Variants in ALOXE3 observed in about 807,000 individuals in gnomAD.
ALOXE3 encodes arachidonate epidermal lipoxygenase 3, also known as hydroperoxide isomerase ALOXE3.
In ALOXE3, 78 loss-of-function variants were observed where a neutral mutation model predicts 87.5. That is an observed-to-expected ratio of 0.89 (90% CI 0.74 to 1.08). The LOEUF is 1.08. Ranked by LOEUF, ALOXE3 falls within the 50% of genes least tolerant of loss-of-function variation. ALOXE3 has a pLI of 0.00. For missense variants in ALOXE3, 946 were observed against 912.4 expected, an observed-to-expected ratio of 1.04 and a Z score of -0.47; for synonymous variants, 363 against 370.8, an observed-to-expected ratio of 0.98 and a Z score of 0.24.
rs1978749917 is a variant in ALOXE3, at chr17:8,099,021, T to TC, written c.1957-2216dup. Among the ~76,000 whole-genome samples, 3 of 124,946 alleles carry TC rather than the reference T, an allele frequency of 2.4e-5. No individual in the cohort carries two copies. The South Asian group carries it at 7.5e-4, about 31-fold the overall frequency. The allele number at this position is 124,946 out of a possible 152,430, so 82.0% of individuals were successfully genotyped here. ...ATACGCCATCATGCCCGGCTAGTTT[T>TC]CTTTTTTTTTTTTTTTTTGGAGAGA... On this transcript the variant is annotated intron_variant, in intron 15 of 15. Coordinates refer to ENST00000448843, the MANE Select transcript of ALOXE3 (RefSeq NM_021628.3).
In ALOXE3 at chr17:8,110,304, G is replaced by T; in HGVS notation, c.1102-9C>A. Reference sequence around the variant, plus strand: ...CCGGGGGTCTGGCTGAGCTGCGTCCGAAAGGAACGAGGGATGATGGGGCTC... The same window carrying T: ...CCGGGGGTCTGGCTGAGCTGCGTCCTAAAGGAACGAGGGATGATGGGGCTC... On this transcript the variant is annotated splice_polypyrimidine_tract_variant and intron_variant, in intron 9 of 15. Transcript: ENST00000448843. The T allele has an allele frequency of 6.2e-7, 1 of 1,613,698 alleles. No individual in the cohort carries two copies. Among genetic ancestry groups the T allele is most frequent in the African/African-American group, 1.3e-5 (1 of 75,032 alleles).
chr17:8,099,074 G>T (rs1030671163), intron 15 of ALOXE3, among the ~76,000 whole-genome samples: 1 of 146,068 alleles, frequency 6.8e-6, no homozygotes, highest in Non-Finnish European at 1.5e-5. Flanking sequence ...ACTCAGGCTG[G>T]TCTTAAATCC....
At chr17:8,109,041 T>TCC in intron 12 of ALOXE3, 133 bp downstream of exon 12, 1 of 1,394,394 alleles carries the variant, frequency 7.2e-7, no homozygotes, top group South Asian at 1.2e-5. Context: ...CAAACTCAAT[T>TCC]CATACCCTCA....
At chr17:8,117,031 G>A (rs778522129) in intron 2 of ALOXE3, 51 bp from the exon 3 acceptor site, 3 of 1,556,588 alleles carry the variant, frequency 1.9e-6, no homozygotes, top group Non-Finnish European at 1.8e-6. Flanking sequence ...CTGCCAAGGC[G>A]GTCCTTGCGC....
chr17:8,110,582 C>G (rs1979990395), intron 8 of ALOXE3, 54 bp from the exon 9 acceptor site: 1 of 1,601,244 alleles, frequency 6.2e-7, no homozygotes. Context: ...CTCCACTTCC[C>G]TCCCATTTCC....
In ALOXE3 at chr17:8,115,017, C is replaced by G. The variant is rs145113596; in HGVS notation, c.475G>C (p.Val159Leu). 1.2e-6 allele frequency: 2 copies of G among 1,614,116 alleles called. No homozygotes were observed. The highest frequency in any genetic ancestry group is 2.2e-5 in the East Asian group (1 of 44,886). Reference protein sequence around the residue: ...YAPGFPCMVDVNSFQEMESDK... With the variant: ...YAPGFPCMVDLNSFQEMESDK... ...GACTCCATCTCCTGAAAGCTGTTGACGTCTACCATGCAGGGGAAGCCAGGG... is the reference window on the plus strand; with the variant it reads ...GACTCCATCTCCTGAAAGCTGTTGAGGTCTACCATGCAGGGGAAGCCAGGG... Residue 159 changes from valine (V) to leucine (L), a missense_variant, in exon 5 of 16, where the codon GTC (valine) becomes CTC (leucine). By Grantham distance (32) the Val-to-Leu change is conservative (BLOSUM62 1). Transcript: ENST00000448843.
In ALOXE3 at chr17:8,110,382, C is replaced by T; in HGVS notation, c.1101+3G>A. 1.2e-6 allele frequency: 2 copies of T among 1,606,488 alleles called. No homozygotes were observed. The highest frequency in any genetic ancestry group is 8.5e-7 in the Non-Finnish European group (1 of 1,175,474). ...CATCCCGGGGCGGCGGCGCCGGGCT[C>T]ACCTGGATGGCCAAGGGCACCAGCG... is the stretch of plus-strand genomic sequence containing the variant. On this transcript the variant is annotated splice_donor_region_variant and intron_variant, in intron 9 of 15. Transcript: ENST00000448843.
intron 13 of ALOXE3, among the ~76,000 whole-genome samples, chr17:8,105,203 G>A (rs556676249): frequency 2.1e-3 from 318 of 152,232 alleles, no homozygotes; most frequent in African/African-American, 7.4e-3. Flanking sequence ...TTCCTTCCTG[G>A]CTGTTCACTT....
In ALOXE3 at chr17:8,096,469, T is replaced by G. The variant is rs1378688889; in HGVS notation, c.*158A>C. The G allele has an allele frequency of 2.2e-5, 15 of 670,712 alleles. No homozygotes were observed. Among genetic ancestry groups the G allele is most frequent in the Non-Finnish European group, 3.8e-5 (14 of 367,640 alleles). 41.5% of individuals were successfully genotyped at this position (670,712 alleles called of 1,614,324 possible). A position where few individuals can be genotyped will look rare whatever the true frequency, so the allele number is the denominator to read the frequency against. ...CTCACAGCTCAGGGCCCAGTTTGTA[T>G]GATGTCAGAGCCATCTTGGCTGCAA... is the stretch of plus-strand genomic sequence containing the variant. On this transcript the variant is annotated 3_prime_UTR_variant, in exon 16 of 16. Coordinates refer to ENST00000448843, the MANE Select transcript of ALOXE3 (RefSeq NM_021628.3).
chr17:8,104,228 A>T lies in ALOXE3; in HGVS notation c.1685-13T>A. 1 of 1,606,086 alleles carries T rather than the reference A, an allele frequency of 6.2e-7. No individual in the cohort carries two copies. The highest frequency in any genetic ancestry group is 1.1e-5 in the South Asian group (1 of 90,870). Reference sequence around the variant, plus strand: ...CGGCTTGGGAAACCTGGGTGTGGGGAGGAAGGGTAGAGGGTGTGGATGGAA... The same window carrying T: ...CGGCTTGGGAAACCTGGGTGTGGGGTGGAAGGGTAGAGGGTGTGGATGGAA... On this transcript the variant is annotated splice_polypyrimidine_tract_variant and intron_variant, in intron 13 of 15. Transcript: ENST00000448843.
rs1305768992 is a variant in ALOXE3 at position 8,108,025 on chromosome 17, A to G, written c.1684+443T>C. ...AAAGAAAGAAAGAAAGAAAGAAAGA[A>G]AGAAAGAAAGAAAGAAAGAAAGAAA... is the stretch of plus-strand genomic sequence containing the variant. On this transcript the variant is annotated intron_variant, in intron 13 of 15. Coordinates refer to ENST00000448843, the MANE Select transcript of ALOXE3 (RefSeq NM_021628.3). Among the ~76,000 whole-genome samples the G allele has an allele frequency of 3.7e-5, 3 of 80,392 alleles. 1 individual carries two copies. Among genetic ancestry groups the G allele is most frequent in the African/African-American group, 1.2e-4 (3 of 25,008 alleles). The allele number at this position is 80,392 out of a possible 152,430, so 52.7% of individuals were successfully genotyped here.
intron 1 of ALOXE3, 88 bp downstream of exon 1, chr17:8,118,398 G>T: frequency 6.4e-7 from 1 of 1,551,204 alleles, no homozygotes; most frequent in Non-Finnish European, 8.7e-7. Flanking sequence ...GGCCCGGACT[G>T]ATGCCCTGGA....
Position 8,103,319 on chromosome 17 carries a change from A to C in ALOXE3, c.1956+4T>G. 6.2e-7 allele frequency: 1 copy of C among 1,613,666 alleles called. No homozygotes were observed. ...CTACTCCCCTCAACATCCCGTATAC[A>C]CACCTGGTCCTTGGGTTCTTGGCTA... On this transcript the variant is annotated splice_donor_region_variant and intron_variant, in intron 15 of 15. Transcript: ENST00000448843.
At chr17:8,097,737 T>TA (rs1444200902) in intron 15 of ALOXE3, among the ~76,000 whole-genome samples, 2 of 147,006 alleles carry the variant, frequency 1.4e-5, no homozygotes, top group African/African-American at 2.5e-5. Context: ...TTGTTGCCAA[T>TA]ACTACTGATC....
intron 13 of ALOXE3, among the ~76,000 whole-genome samples, chr17:8,104,920 C>A (rs540479500): frequency 6.6e-6 from 1 of 152,198 alleles, no homozygotes; most frequent in African/African-American, 2.4e-5. Context: ...AAGTCCATGG[C>A]TCTAACCACC....
intron 15 of ALOXE3, among the ~76,000 whole-genome samples, chr17:8,097,982 C>T (rs77319782): frequency 0.32 from 49,051 of 151,638 alleles, 8,512 homozygotes; most frequent in East Asian, 0.63. Context: ...CTCCTGACCT[C>T]GTGATCTGCC....
chr17:8,103,101 T>G lies in ALOXE3; in HGVS notation c.1956+222A>C, dbSNP rs3027284. 0.44 allele frequency among the ~76,000 whole-genome samples: 67,332 copies of G among 152,046 alleles called. 15,200 individuals are homozygous for G. The highest frequency in any genetic ancestry group is 0.63 in the East Asian group (3,224 of 5,156). Reference sequence around the variant, plus strand: ...CACATGAGTAGTTGATGAATGAACATTCGGATAAATGGATGGACGGACAGA... The same window carrying G: ...CACATGAGTAGTTGATGAATGAACAGTCGGATAAATGGATGGACGGACAGA... On this transcript the variant is annotated intron_variant, in intron 15 of 15. Coordinates refer to ENST00000448843, the MANE Select transcript of ALOXE3 (RefSeq NM_021628.3).
At chr17:8,115,294 G>A (rs989762874) in intron 4 of ALOXE3, among the ~76,000 whole-genome samples, 3 of 152,158 alleles carry the variant, frequency 2.0e-5, no homozygotes, top group Non-Finnish European at 4.4e-5. Flanking sequence ...AATCATGGCC[G>A]GTTTAGTGGG....
intron 13 of ALOXE3, among the ~76,000 whole-genome samples, chr17:8,107,174 T>C (rs935978241): frequency 2.0e-5 from 3 of 152,124 alleles, no homozygotes; most frequent in South Asian, 4.1e-4. Flanking sequence ...GGATCAGCAC[T>C]GATCATGATT....
Sources: gnomAD v4.1 joint callset for allele counts (sites outside exome capture counted in the v4.1 genomes callset) on GRCh38, gnomAD v4.1.1 for gene constraint, MANE v1.5 for transcripts, NCBI Gene and HGNC (gene_info 2026-07-23, HGNC 2026-07-21) for gene names.